The following FLG variants were observed in gnomAD, a reference collection of about 807,000 sequenced individuals.
FLG encodes the protein epidermal filaggrin.
FLG carries 6 observed loss-of-function variants against 3.8 expected under a neutral mutation model. That is an observed-to-expected ratio of 1.60 (90% CI 0.87 to 3.15). The LOEUF is 3.15. Ranked by LOEUF, FLG falls within the 30% of genes most tolerant of loss-of-function variation. The pLI is 0.00. For missense variants in FLG, 7,595 were observed against 5,050.9 expected (o/e 1.50, Z -15.27); for synonymous variants, 2,551 against 1,931.6 (o/e 1.32, Z -8.41).
At position 152,306,265 on chromosome 1, in the gene FLG, A is replaced by C. The variant is rs151037067; in HGVS notation, c.8621T>G (p.Val2874Gly). 221 of 1,604,446 alleles carry C rather than the reference A, an allele frequency of 1.4e-4. No homozygotes were observed. The highest frequency in any genetic ancestry group is 2.2e-4 in the Admixed American group (13 of 59,924). The stretch of plus-strand genomic sequence containing the variant: ...CCTGGACCCCTCTGATTGTCCCTGG[A>C]CTGCCTGTGAGTGTCTAGAGATGTC... ...HADISRHSQA[V>G]QGQSEGSRRS... Residue 2874 changes from valine (V) to glycine (G), a missense_variant, in exon 3 of 3, where the codon GTC becomes GGC. Coordinates refer to ENST00000368799, the MANE Select transcript of FLG (RefSeq NM_002016.2).
chr1:152,313,987 T>G lies in FLG; in HGVS notation c.899A>C (p.Asp300Ala). The change falls in exon 3 of 3, where the codon GAC becomes GCC. Residue 300 changes from aspartate to alanine, a missense_variant. Coordinates refer to ENST00000368799, the MANE Select transcript of FLG (RefSeq NM_002016.2). ...TTCTGAGTGTCCCTCACTGTCCCTG[T>G]CCTGGCTAACTCTGGATCCCCTACG... ...RKRRGSRVSQ[D>A]RDSEGHSEDS... The G allele has an allele frequency of 6.2e-7, 1 of 1,614,216 alleles. No homozygotes were observed. The highest frequency in any genetic ancestry group is 8.5e-7 in the Non-Finnish European group (1 of 1,180,034).
chr1:152,312,663 C>T lies in FLG; in HGVS notation c.2223G>A (p.Gly741=). 1 of 1,613,944 alleles carries T rather than the reference C, an allele frequency of 6.2e-7. No homozygotes were observed. Among genetic ancestry groups the T allele is most frequent in the Non-Finnish European group, 8.5e-7 (1 of 1,180,016 alleles). ...SSAVRDSGHR[G]SSGSQATDSE... ...TGTCAGTGGCCTGACTACCACTGGA[C>T]CCTCGGTGTCCACTGTCTCTGACTG... Residue 741 remains glycine (G), a synonymous_variant, in exon 3 of 3, where the codon GGG becomes GGA. Transcript: ENST00000368799.
In FLG at chr1:152,310,137, C is replaced by T. The variant is rs754419509; in HGVS notation, c.4749G>A (p.Gly1583=). ...HSQVGQGESA[G]SKTSRRQGSS... ...ATCCCTGGCGCCTGCTTGTCTTGGA[C>T]CCCGCTGATTCTCCCTGGCCCACCT... The change falls in exon 3 of 3, where the codon GGG becomes GGA. Residue 1583 remains glycine (G), a synonymous_variant. Coordinates refer to ENST00000368799, the MANE Select transcript of FLG (RefSeq NM_002016.2). 2.5e-6 allele frequency: 4 copies of T among 1,613,920 alleles called. No homozygotes were observed. Among genetic ancestry groups the T allele is most frequent in the African/African-American group, 1.3e-5 (1 of 74,936 alleles).
At position 152,312,577 on chromosome 1, in the gene FLG, T is replaced by G. The variant is rs368433435; in HGVS notation, c.2309A>C (p.His770Pro). The G allele has an allele frequency of 7.7e-5, 124 of 1,613,464 alleles. No individual in the cohort carries two copies. The highest frequency in any genetic ancestry group is 9.9e-5 in the Non-Finnish European group (117 of 1,179,918). Residue 770 changes from histidine (H) to proline (P), a missense_variant, in exon 3 of 3, where the codon CAC (histidine) becomes CCC (proline). His to Pro is a moderately conservative substitution (Grantham distance 77). Coordinates refer to ENST00000368799, the MANE Select transcript of FLG (RefSeq NM_002016.2). ...QSVSGHGQAGHHQQSHQESAR... is the reference protein window; with the variant it reads ...QSVSGHGQAGPHQQSHQESAR... ...GGACTCTTGGTGGCTCTGCTGATGG[T>G]GACCAGCCTGTCCATGGCCTGACAC...
Position 152,303,595 on chromosome 1 carries a change from G to C in FLG, c.11291C>G (p.Ser3764Ter), listed in dbSNP as rs1262578796. 9.9e-6 allele frequency: 16 copies of C among 1,613,708 alleles called. No individual in the cohort carries two copies. Among genetic ancestry groups the C allele is most frequent in the Non-Finnish European group, 1.3e-5 (15 of 1,179,944 alleles). ...GQDTIRGHPG[S>*]RRGGRQGSYH... ...GGATCCCTGTCTTCCTCCTCTCCTT[G>C]ACCCCGGGTGTCCACGAATGGTGTC... is the stretch of plus-strand genomic sequence containing the variant. Residue 3764 changes from serine to a stop codon, truncating the protein, a stop_gained, in exon 3 of 3, where the codon TCA (serine) becomes TGA (stop). Transcript: ENST00000368799. LOFTEE classifies it low-confidence loss of function (END_TRUNC).
Position 152,310,371 on chromosome 1 carries a change from G to C in FLG, c.4515C>G (p.His1505Gln). ...SSRGGRQGSYHEQSVDRSGHS... is the reference protein window; with the variant it reads ...SSRGGRQGSYQEQSVDRSGHS... ...GTCCAGACCTATCTACTGATTGCTC[G>C]TGGTAGGATCCCTGCCTTCCTCCTC... is the stretch of plus-strand genomic sequence containing the variant. Residue 1505 changes from histidine (H) to glutamine (Q), a missense_variant, in exon 3 of 3, where the codon CAC becomes CAG. Physicochemically the swap from His to Gln is conservative, Grantham distance 24. Coordinates refer to ENST00000368799, the MANE Select transcript of FLG (RefSeq NM_002016.2). 1.2e-6 allele frequency: 2 copies of C among 1,613,612 alleles called. No individual in the cohort carries two copies. The highest frequency in any genetic ancestry group is 8.5e-7 in the Non-Finnish European group (1 of 1,179,962).
Position 152,313,605 on chromosome 1 carries a change from T to C in FLG, c.1281A>G (p.Gly427=), listed in dbSNP as rs368568030. The change falls in exon 3 of 3, where the codon GGA becomes GGG. Residue 427 remains glycine, a synonymous_variant. Coordinates refer to ENST00000368799, the MANE Select transcript of FLG (RefSeq NM_002016.2). The part of the protein sequence containing the change: ...SSGSQASDSE[G]HSENSDTQSV... Reference sequence around the variant, plus strand: ...ATTGTGTGTCTGAGTTTTCTGAATGTCCCTCACTGTCACTGGCCTGACTAC... The same window carrying C: ...ATTGTGTGTCTGAGTTTTCTGAATGCCCCTCACTGTCACTGGCCTGACTAC... 6.2e-7 allele frequency: 1 copy of C among 1,613,942 alleles called. No homozygotes were observed. The highest frequency in any genetic ancestry group is 2.2e-5 in the East Asian group (1 of 44,854).
In FLG at chr1:152,313,457, G is replaced by A. The variant is rs547131531; in HGVS notation, c.1429C>T (p.Gln477Ter). The change falls in exon 3 of 3, where the codon CAG becomes TAG. Residue 477 changes from glutamine (Q) to a stop codon, truncating the protein, a stop_gained. Coordinates refer to ENST00000368799, the MANE Select transcript of FLG (RefSeq NM_002016.2). LOFTEE classifies it low-confidence loss of function (END_TRUNC). ...GTCCGTCCATGGGCAGAGTCAGGCT[G>A]TTCATGAGTGCTCACCTGGTAGAGG... Reference protein sequence around the residue: ...SSLYQVSTHEQPDSAHGRTGT... With the variant: ...SSLYQVSTHE 3 of 1,613,860 alleles carry A rather than the reference G, an allele frequency of 1.9e-6. No individual in the cohort carries two copies. The Admixed American group carries it at 5.0e-5, about 27-fold the overall frequency.
chr1:152,311,809 C>T lies in FLG; in HGVS notation c.3077G>A (p.Arg1026Lys), dbSNP rs1193259983. ...GQAASSHEQA[R>K]SSPGERHGSR... ...TCCGTGTCTTTCTCCTGGACTTGAT[C>T]TTGCCTGTTCATGGGATGACGCAGC... is the stretch of plus-strand genomic sequence containing the variant. Residue 1026 changes from arginine (R) to lysine (K), a missense_variant, in exon 3 of 3, where the codon AGA (arginine) becomes AAA (lysine). Transcript: ENST00000368799. The T allele has an allele frequency of 1.9e-6, 3 of 1,613,974 alleles. No homozygotes were observed. Among genetic ancestry groups the T allele is most frequent in the African/African-American group, 2.7e-5 (2 of 74,876 alleles).
chr1:152,307,630 C>T lies in FLG; in HGVS notation c.7256G>A (p.Ser2419Asn), dbSNP rs1369357900. 1 of 1,613,514 alleles carries T rather than the reference C, an allele frequency of 6.2e-7. No individual in the cohort carries two copies. Among genetic ancestry groups the T allele is most frequent in the African/African-American group, 1.3e-5 (1 of 74,714 alleles). Residue 2419 changes from serine (S) to asparagine (N), a missense_variant, in exon 3 of 3, where the codon AGC (serine) becomes AAC (asparagine). Physicochemically the swap from Ser to Asn is conservative, Grantham distance 46. Coordinates refer to ENST00000368799, the MANE Select transcript of FLG (RefSeq NM_002016.2). The stretch of plus-strand genomic sequence containing the variant: ...GGCGGACTCAGACTGTTCATGAGTG[C>T]TCACCTGGTAGAGGAAAGACCCTGA... ...GRSGSFLYQV[S>N]THEQSESAHG...
Position 152,308,205 on chromosome 1 carries a change from C to A in FLG, c.6681G>T (p.Gln2227His), listed in dbSNP as rs995836428. ...TTGTCCTGGGCCCTGATGATTGTCC[C>A]TGGCCCACCAGTGAGTGTCTAGAGC... ...ADSSRHSLVG[Q>H]GQSSGPRTSR... Residue 2227 changes from glutamine to histidine, a missense_variant, in exon 3 of 3, where the codon CAG (glutamine) becomes CAT (histidine). Transcript: ENST00000368799. 1 of 1,613,916 alleles carries A rather than the reference C, an allele frequency of 6.2e-7. No individual in the cohort carries two copies. The highest frequency in any genetic ancestry group is 2.2e-5 in the East Asian group (1 of 44,854).
Position 152,323,876 on chromosome 1 carries a change from C to A in FLG, c.-22+1313G>T, listed in dbSNP as rs74932182. Among the ~76,000 whole-genome samples the A allele has an allele frequency of 1.4e-3, 217 of 151,638 alleles. 7 individuals carry two copies. The East Asian group carries it at 0.029, about 20-fold the overall frequency. On this transcript the variant is annotated intron_variant, in intron 1 of 2. Coordinates refer to ENST00000368799, the MANE Select transcript of FLG (RefSeq NM_002016.2). The stretch of plus-strand genomic sequence containing the variant: ...ATAATACCCCCCAAAATGGAAGAGA[C>A]CCAAGTATCTACCCATAGACAAATG...
chr1:152,315,077 A>G (rs1420299790), intron 2 of FLG: 3 of 404,822 alleles, frequency 7.4e-6, no homozygotes, highest in Non-Finnish European at 1.3e-5. Flanking sequence ...AAATACCAAA[A>G]TACTAAGAAC....
At position 152,309,083 on chromosome 1, in the gene FLG, A is replaced by G. The variant is rs745573974; in HGVS notation, c.5803T>C (p.Ser1935Pro). 6.2e-7 allele frequency: 1 copy of G among 1,614,046 alleles called. No homozygotes were observed. The highest frequency in any genetic ancestry group is 2.2e-5 in the East Asian group (1 of 44,858). The change falls in exon 3 of 3, where the codon TCT (serine) becomes CCT (proline). Residue 1935 changes from serine (S) to proline (P), a missense_variant. Transcript: ENST00000368799. Reference protein sequence around the residue: ...QGHSEDSERWSGSASRNHLGS... With the variant: ...QGHSEDSERWPGSASRNHLGS... Reference sequence around the variant, plus strand: ...AGATGGTTTCTGGAAGCAGACCCAGACCACCTCTCAGAGTCTTCTGAGTGT... The same window carrying G: ...AGATGGTTTCTGGAAGCAGACCCAGGCCACCTCTCAGAGTCTTCTGAGTGT...
At position 152,311,899 on chromosome 1, in the gene FLG, C is replaced by T. The variant is rs561298363; in HGVS notation, c.2987G>A (p.Gly996Glu). The change falls in exon 3 of 3, where the codon GGG (glycine) becomes GAG (glutamate). Residue 996 changes from glycine (G) to glutamate (E), a missense_variant. By Grantham distance (98) the Gly-to-Glu change is moderately conservative. Transcript: ENST00000368799. ...RSHHEDRAGH[G>E]HSADSSRQSG... is the part of the protein sequence containing the mutation. The stretch of plus-strand genomic sequence containing the variant: ...TTGTCTGGAGCTGTCTGCAGAGTGC[C>T]CGTGACCGGCTCTGTCTTCGTGATG... The T allele has an allele frequency of 6.2e-7, 1 of 1,614,106 alleles. No homozygotes were observed. The highest frequency in any genetic ancestry group is 2.2e-5 in the East Asian group (1 of 44,860).
At position 152,312,079 on chromosome 1, in the gene FLG, G is replaced by A. The variant is rs1652471028; in HGVS notation, c.2807C>T (p.Ser936Phe). 2 of 1,614,088 alleles carry A rather than the reference G, an allele frequency of 1.2e-6. No individual in the cohort carries two copies. The highest frequency in any genetic ancestry group is 1.7e-6 in the Non-Finnish European group (2 of 1,180,014). ...GGATCCCTGGCGCCTGCTTGTCCTG[G>A]ACCCCTCTGATTGTCCCTGGCCTGC... ...SQAGQGQSEGSRTSRRQGSSV... is the reference protein window; with the variant it reads ...SQAGQGQSEGFRTSRRQGSSV... The change falls in exon 3 of 3, where the codon TCC (serine) becomes TTC (phenylalanine). Residue 936 changes from serine (S) to phenylalanine (F), a missense_variant. Physicochemically the swap from Ser to Phe is radical, Grantham distance 155 (BLOSUM62 -2). Coordinates refer to ENST00000368799, the MANE Select transcript of FLG (RefSeq NM_002016.2).
chr1:152,303,729 C>G lies in FLG; in HGVS notation c.11157G>C (p.Gln3719His). The part of the protein sequence containing the change: ...SFLYQVSTHE[Q>H]SESAHGRAGP... ...CAGCCCGTCCATGGGCAGACTCAGA[C>G]TGTTCATGAGTGCTCACCTGGTAGA... is the stretch of plus-strand genomic sequence containing the variant. The change falls in exon 3 of 3, where the codon CAG (glutamine) becomes CAC (histidine). Residue 3719 changes from glutamine to histidine, a missense_variant. Physicochemically the swap from Gln to His is conservative, Grantham distance 24. Coordinates refer to ENST00000368799, the MANE Select transcript of FLG (RefSeq NM_002016.2). The G allele has an allele frequency of 6.2e-7, 1 of 1,614,032 alleles. No homozygotes were observed. The highest frequency in any genetic ancestry group is 8.5e-7 in the Non-Finnish European group (1 of 1,179,972).
At chr1:152,317,508 C>T (rs1335179489) in intron 1 of FLG, among the ~76,000 whole-genome samples, 1 of 151,996 alleles carries the variant, frequency 6.6e-6, no homozygotes, top group East Asian at 1.9e-4. Flanking sequence ...ATGCAACTGG[C>T]TTCATCCTTC....
rs763028697 is a variant in FLG at position 152,313,547 on chromosome 1, G to T, written c.1339C>A (p.Gln447Lys). The T allele has an allele frequency of 2.5e-6, 4 of 1,613,604 alleles. No homozygotes were observed. The East Asian group carries it at 8.9e-5, about 36-fold the overall frequency. Residue 447 changes from glutamine to lysine, a missense_variant, in exon 3 of 3, where the codon CAG (glutamine) becomes AAG (lysine). Gln to Lys is a moderately conservative substitution (Grantham distance 53). Coordinates refer to ENST00000368799, the MANE Select transcript of FLG (RefSeq NM_002016.2). ...CGTGTGGACTCTTGGTGGCTCTGCT[G>T]TCTCAGCCCAGCCTTTCCGTGGCCT... ...VSGHGKAGLR[Q>K]QSHQESTRGR...
Sources: gnomAD v4.1 joint callset for allele counts (sites outside exome capture counted in the v4.1 genomes callset) on GRCh38, gnomAD v4.1.1 for gene constraint, MANE v1.5 for transcripts, NCBI Gene and HGNC (gene_info 2026-07-23, HGNC 2026-07-21) for gene names.